CYP27B1: variants seen among roughly 807,000 people sequenced by gnomAD.
CYP27B1 encodes 25-hydroxyvitamin D-1 alpha hydroxylase, mitochondrial.
Under a neutral mutation model 54.8 loss-of-function variants are expected in CYP27B1, and 46 were observed. That is an observed-to-expected ratio of 0.84 (90% CI 0.66 to 1.07). The LOEUF (loss-of-function observed/expected upper bound fraction) is 1.07, where lower values mean the gene tolerates loss of function less well. CYP27B1 is among the 50% of genes least tolerant of loss of function. The pLI is 0.00. For missense variants in CYP27B1, 674 were observed against 692.2 expected, an observed-to-expected ratio of 0.97 and a Z score of 0.30; for synonymous variants, 292 against 297.3, an observed-to-expected ratio of 0.98 and a Z score of 0.18.
At position 57,765,594 on chromosome 12, in the gene CYP27B1, G is replaced by C. The variant is rs1382038315; in HGVS notation, c.387-95C>G. 1 of 1,302,096 alleles carries C rather than the reference G, an allele frequency of 7.7e-7. No individual in the cohort carries two copies. The highest frequency in any genetic ancestry group is 2.0e-5 in the Admixed American group (1 of 50,712). 80.7% of individuals were successfully genotyped at this position (1,302,096 alleles called of 1,614,324 possible). ...GAGCGCGTTCGGCTGCGGTGGCCAG[G>C]AGAGGGATTGCGTCTGCCCCCTTGG... On this transcript the variant is annotated intron_variant, in intron 2 of 8. Coordinates refer to ENST00000228606, the MANE Select transcript of CYP27B1 (RefSeq NM_000785.4). This position sits in a 1 kb window ranked among gnomAD's most constrained non-coding sequence, Gnocchi z 5.8.
intron 1 of CYP27B1, 60 bp from the exon 2 acceptor site, chr12:57,766,257 G>A: frequency 1.4e-6 from 2 of 1,473,964 alleles, no homozygotes; most frequent in Non-Finnish European, 1.8e-6. Flanking sequence ...AGCTTGACCT[G>A]TGCCCACGCC....
In CYP27B1 at chr12:57,765,911, A is replaced by T; in HGVS notation, c.386+96T>A. 2.8e-6 allele frequency: 4 copies of T among 1,445,804 alleles called. No individual in the cohort carries two copies. In the South Asian group the frequency reaches 5.7e-5, roughly 21 times the overall value. The allele number at this position is 1,445,804 out of a possible 1,614,324, so 89.6% of individuals were successfully genotyped here. A position where few individuals can be genotyped will look rare whatever the true frequency, so the allele number is the denominator to read the frequency against. Reference sequence around the variant, plus strand: ...GCCCAATGGTAGAGTGGGACAGCCGACCTCCCACCATGCCCCCAGATTGAT... The same window carrying T: ...GCCCAATGGTAGAGTGGGACAGCCGTCCTCCCACCATGCCCCCAGATTGAT... On this transcript the variant is annotated intron_variant, in intron 2 of 8. Coordinates refer to ENST00000228606, the MANE Select transcript of CYP27B1 (RefSeq NM_000785.4). The surrounding 1 kb of genome is among the most constrained non-coding windows in gnomAD (Gnocchi z 5.8).
In CYP27B1 at chr12:57,764,494, C is replaced by T. The variant is rs578010655; in HGVS notation, c.1020G>A (p.Gln340=). 6.2e-7 allele frequency: 1 copy of T among 1,614,190 alleles called. No homozygotes were observed. Among genetic ancestry groups the T allele is most frequent in the East Asian group, 2.2e-5 (1 of 44,888 alleles). Residue 340 remains glutamine (Q), a synonymous_variant, in exon 6 of 9, where the codon CAG becomes CAA. Coordinates refer to ENST00000228606, the MANE Select transcript of CYP27B1 (RefSeq NM_000785.4). Reference sequence around the variant, plus strand: ...CTGTGATCTCTGAGTGGAGTGCTGTCTGGACTTCGGGGTGCCGGGAGAGCT... The same window carrying T: ...CTGTGATCTCTGAGTGGAGTGCTGTTTGGACTTCGGGGTGCCGGGAGAGCT... ...LYELSRHPEV[Q]TALHSEITAA...
intron 1 of CYP27B1, chr12:57,766,580 C>G (rs768544092): frequency 1.4e-5 from 8 of 585,658 alleles, no homozygotes; most frequent in South Asian, 2.1e-5. Flanking sequence ...CCGGCCTCCC[C>G]CTCCCGCGCA....
chr12:57,764,062 A>C (rs774051629), intron 7 of CYP27B1, 36 bp downstream of exon 7: 2 of 1,522,836 alleles, frequency 1.3e-6, no homozygotes, highest in Non-Finnish European at 1.8e-6. Flanking sequence ...ATAGTGAGGA[A>C]TGGCTCAGTA....
At position 57,763,794 on chromosome 12, in the gene CYP27B1, C is replaced by T. The variant is rs1200364118; in HGVS notation, c.1230G>A (p.Leu410=). ...GGTCCCTTGAAGTGGCATAGTGACACAGAGTGACCAGCGTCTGGTGCAAAG... is the reference window on the plus strand; with the variant it reads ...GGTCCCTTGAAGTGGCATAGTGACATAGAGTGACCAGCGTCTGGTGCAAAG... ...YIIPKNTLVT[L]CHYATSRDPA... The change falls in exon 8 of 9, where the codon CTG becomes CTA. Residue 410 remains leucine (L), a synonymous_variant. Coordinates refer to ENST00000228606, the MANE Select transcript of CYP27B1 (RefSeq NM_000785.4). 5 of 1,614,144 alleles carry T rather than the reference C, an allele frequency of 3.1e-6. No homozygotes were observed. The highest frequency in any genetic ancestry group is 1.1e-5 in the South Asian group (1 of 91,088).
chr12:57,763,806 C>G lies in CYP27B1; in HGVS notation c.1218G>C (p.Thr406=), dbSNP rs750468088. 3 of 1,613,984 alleles carry G rather than the reference C, an allele frequency of 1.9e-6. No homozygotes were observed. Among genetic ancestry groups the G allele is most frequent in the Non-Finnish European group, 2.5e-6 (3 of 1,179,940 alleles). ...TGGCATAGTGACACAGAGTGACCAG[C>G]GTCTGGTGCAAAGGAAAACAAACTT... ...HVGDYIIPKN[T]LVTLCHYATS... is the part of the protein sequence containing the mutation. Residue 406 remains threonine, a splice_region_variant and synonymous_variant, in exon 8 of 9, where the codon ACG becomes ACC. Coordinates refer to ENST00000228606, the MANE Select transcript of CYP27B1 (RefSeq NM_000785.4).
Position 57,762,507 on chromosome 12 carries a change from C to T in CYP27B1, c.*635G>A, listed in dbSNP as rs533718329. 58 of 158,658 alleles carry T rather than the reference C, an allele frequency of 3.7e-4. No homozygotes were observed. Among genetic ancestry groups the T allele is most frequent in the African/African-American group, 7.5e-4 (31 of 41,548 alleles). 9.8% of individuals were successfully genotyped at this position (158,658 alleles called of 1,614,324 possible). A position where few individuals can be genotyped will look rare whatever the true frequency, so the allele number is the denominator to read the frequency against. On this transcript the variant is annotated 3_prime_UTR_variant, in exon 9 of 9. Coordinates refer to ENST00000228606, the MANE Select transcript of CYP27B1 (RefSeq NM_000785.4). Reference sequence around the variant, plus strand: ...AGAGCAAAGGAGAGTTATAAGAAACCGTAAACCAGGCTAGGGCAGATTCAC... The same window carrying T: ...AGAGCAAAGGAGAGTTATAAGAAACTGTAAACCAGGCTAGGGCAGATTCAC...
chr12:57,765,832 G>A lies in CYP27B1; in HGVS notation c.386+175C>T. Reference sequence around the variant, plus strand: ...GATAAGGAGGTAGGCGGGGAGTGAGGTTGGGGCTCAACCTGAGTGTGGGTG... The same window carrying A: ...GATAAGGAGGTAGGCGGGGAGTGAGATTGGGGCTCAACCTGAGTGTGGGTG... On this transcript the variant is annotated intron_variant, in intron 2 of 8. Coordinates refer to ENST00000228606, the MANE Select transcript of CYP27B1 (RefSeq NM_000785.4). This position sits in a 1 kb window ranked among gnomAD's most constrained non-coding sequence, Gnocchi z 5.8. 1.5e-6 allele frequency: 2 copies of A among 1,290,798 alleles called. No individual in the cohort carries two copies. Among genetic ancestry groups the A allele is most frequent in the Non-Finnish European group, 2.1e-6 (2 of 966,638 alleles). The allele number at this position is 1,290,798 out of a possible 1,614,324, so 80.0% of individuals were successfully genotyped here.
chr12:57,764,887 A>G lies in CYP27B1; in HGVS notation c.830T>C (p.Met277Thr), dbSNP rs939818762. The G allele has an allele frequency of 3.7e-6, 6 of 1,614,102 alleles. No homozygotes were observed. Among genetic ancestry groups the G allele is most frequent in the Admixed American group, 1.7e-5 (1 of 60,024 alleles). The change falls in exon 5 of 9, where the codon ATG (methionine) becomes ACG (threonine). Residue 277 changes from methionine (M) to threonine (T), a missense_variant. Transcript: ENST00000228606. The stretch of plus-strand genomic sequence containing the variant: ...CTTCTCGGGCTGTCCTCCGTTCCTC[A>G]TGGCTGCCTCTGCCTCTCGCCGCTC... ...HVERREAEAA[M>T]RNGGQPEKDL...
In CYP27B1 at chr12:57,765,554, C is replaced by A. The variant is rs1486053759; in HGVS notation, c.387-55G>T. 6.5e-7 allele frequency: 1 copy of A among 1,544,834 alleles called. No homozygotes were observed. The highest frequency in any genetic ancestry group is 8.8e-7 in the Non-Finnish European group (1 of 1,134,598). On this transcript the variant is annotated intron_variant, in intron 2 of 8. Transcript: ENST00000228606. The surrounding 1 kb of genome is among the most constrained non-coding windows in gnomAD (Gnocchi z 5.8). The stretch of plus-strand genomic sequence containing the variant: ...GGAAGGTGGGGACGGCTCGACGGGA[C>A]TGGCTGCAGTGAAGGAGCGCGTTCG...
Position 57,763,013 on chromosome 12 carries a change from C to A in CYP27B1, c.*129G>T, listed in dbSNP as rs1248426555. Reference sequence around the variant, plus strand: ...TTGGTCAGGGCCGCCTCACACTTCACTATGGTGGTTCTATCCAGTTTGGTC... The same window carrying A: ...TTGGTCAGGGCCGCCTCACACTTCAATATGGTGGTTCTATCCAGTTTGGTC... On this transcript the variant is annotated 3_prime_UTR_variant, in exon 9 of 9. Transcript: ENST00000228606. The A allele has an allele frequency of 1.4e-6, 1 of 733,072 alleles. No homozygotes were observed. Among genetic ancestry groups the A allele is most frequent in the East Asian group, 2.7e-5 (1 of 36,440 alleles). 45.4% of individuals were successfully genotyped at this position (733,072 alleles called of 1,614,324 possible). A position where few individuals can be genotyped will look rare whatever the true frequency, so the allele number is the denominator to read the frequency against.
chr12:57,765,579 G>C lies in CYP27B1; in HGVS notation c.387-80C>G, dbSNP rs1327693967. ...CTGGCTGCAGTGAAGGAGCGCGTTC[G>C]GCTGCGGTGGCCAGGAGAGGGATTG... On this transcript the variant is annotated intron_variant, in intron 2 of 8. Transcript: ENST00000228606. This position sits in a 1 kb window ranked among gnomAD's most constrained non-coding sequence, Gnocchi z 5.8. 2.8e-6 allele frequency: 4 copies of C among 1,419,174 alleles called. No homozygotes were observed. In the Admixed American group the frequency reaches 7.9e-5, roughly 28 times the overall value. 87.9% of individuals were successfully genotyped at this position (1,419,174 alleles called of 1,614,324 possible).
rs770581711 is a variant in CYP27B1 at position 57,765,191 on chromosome 12, C to G, written c.610G>C (p.Gly204Arg). Residue 204 changes from glycine to arginine, a missense_variant, in exon 4 of 9, where the codon GGC (glycine) becomes CGC (arginine). Coordinates refer to ENST00000228606, the MANE Select transcript of CYP27B1 (RefSeq NM_000785.4). This position sits in a 1 kb window ranked among gnomAD's most constrained non-coding sequence, Gnocchi z 5.8. ...GCCTCCAGGCAGCCCAAGCGCGAGCCGAGCAGAACCGCGGCGATGCCTTGT... is the reference window on the plus strand; with the variant it reads ...GCCTCCAGGCAGCCCAAGCGCGAGCGGAGCAGAACCGCGGCGATGCCTTGT... ...GLEGIAAVLLGSRLGCLEAQV... is the reference protein window; with the variant it reads ...GLEGIAAVLLRSRLGCLEAQV... 1.9e-6 allele frequency: 3 copies of G among 1,613,072 alleles called. No individual in the cohort carries two copies. Among genetic ancestry groups the G allele is most frequent in the South Asian group, 1.1e-5 (1 of 91,040 alleles).
In CYP27B1 at chr12:57,763,180, G is replaced by A; in HGVS notation, c.1489C>T (p.Pro497Ser). ...AACTGTAGGTTGATGCTCCTTTCAG[G>A]TACCAGGACAGTCCGGGTCTTGGGT... ...VRPKTRTVLV[P>S]ERSINLQFLD... Residue 497 changes from proline (P) to serine (S), a missense_variant, in exon 9 of 9, where the codon CCT (proline) becomes TCT (serine). Pro to Ser is a moderately conservative substitution (Grantham distance 74). Coordinates refer to ENST00000228606, the MANE Select transcript of CYP27B1 (RefSeq NM_000785.4). 2 of 1,614,038 alleles carry A rather than the reference G, an allele frequency of 1.2e-6. No homozygotes were observed.
chr12:57,767,052 A>G lies in CYP27B1; in HGVS notation c.-11T>C. On this transcript the variant is annotated 5_prime_UTR_variant, in exon 1 of 9. Transcript: ENST00000228606. ...GAGGGTCTGGGTCATGGTCTGGTTC[A>G]GGGTGCTCGCGAAAGAAAGCGCTTC... 6.2e-7 allele frequency: 1 copy of G among 1,613,958 alleles called. No homozygotes were observed. The highest frequency in any genetic ancestry group is 1.1e-5 in the South Asian group (1 of 91,082).
chr12:57,765,437 G>T lies in CYP27B1; in HGVS notation c.449C>A (p.Ala150Glu). The change falls in exon 3 of 9, where the codon GCG (alanine) becomes GAG (glutamate). Residue 150 changes from alanine (A) to glutamate (E), a missense_variant. Ala to Glu is a moderately radical substitution (Grantham distance 107). Coordinates refer to ENST00000228606, the MANE Select transcript of CYP27B1 (RefSeq NM_000785.4). The surrounding 1 kb of genome is among the most constrained non-coding windows in gnomAD (Gnocchi z 5.8). ...LLAPLLLRPQ[A>E]AARYAGTLNN... Reference sequence around the variant, plus strand: ...CAGGGTTCCGGCGTAGCGGGCGGCCGCTTGAGGCCGGAGGAGGAGCGGGGC... The same window carrying T: ...CAGGGTTCCGGCGTAGCGGGCGGCCTCTTGAGGCCGGAGGAGGAGCGGGGC... 1 of 1,612,868 alleles carries T rather than the reference G, an allele frequency of 6.2e-7. No homozygotes were observed. Among genetic ancestry groups the T allele is most frequent in the Non-Finnish European group, 8.5e-7 (1 of 1,179,568 alleles).
In CYP27B1 at chr12:57,765,827, G is replaced by T; in HGVS notation, c.386+180C>A. On this transcript the variant is annotated intron_variant, in intron 2 of 8. Coordinates refer to ENST00000228606, the MANE Select transcript of CYP27B1 (RefSeq NM_000785.4). This position sits in a 1 kb window ranked among gnomAD's most constrained non-coding sequence, Gnocchi z 5.8. Reference sequence around the variant, plus strand: ...CAAAGGATAAGGAGGTAGGCGGGGAGTGAGGTTGGGGCTCAACCTGAGTGT... The same window carrying T: ...CAAAGGATAAGGAGGTAGGCGGGGATTGAGGTTGGGGCTCAACCTGAGTGT... 1 of 1,228,076 alleles carries T rather than the reference G, an allele frequency of 8.1e-7. No individual in the cohort carries two copies. Among genetic ancestry groups the T allele is most frequent in the Non-Finnish European group, 1.1e-6 (1 of 909,370 alleles). 76.1% of individuals were successfully genotyped at this position (1,228,076 alleles called of 1,614,324 possible).
chr12:57,764,759 C>T lies in CYP27B1; in HGVS notation c.958G>A (p.Asp320Asn). The T allele has an allele frequency of 6.2e-7, 1 of 1,614,080 alleles. No homozygotes were observed. The highest frequency in any genetic ancestry group is 8.5e-7 in the Non-Finnish European group (1 of 1,180,016). Reference protein sequence around the residue: ...NVTELLLAGVDTVSNTLSWAL... With the variant: ...NVTELLLAGVNTVSNTLSWAL... ...GCACGGAGGGAGAACCTCACCGTGT[C>T]CACTCCCGCCAATAGCAACTCTGTC... The change falls in exon 5 of 9, where the codon GAC (aspartate) becomes AAC (asparagine). Residue 320 changes from aspartate (D) to asparagine (N), a missense_variant. Physicochemically the swap from Asp to Asn is conservative, Grantham distance 23. Coordinates refer to ENST00000228606, the MANE Select transcript of CYP27B1 (RefSeq NM_000785.4).
Sources: gnomAD v4.1 joint callset for allele counts on GRCh38, gnomAD v4.1.1 for gene constraint, Gnocchi (gnomAD v3.1) non-coding constraint, MANE v1.5 for transcripts, NCBI Gene and HGNC (gene_info 2026-07-23, HGNC 2026-07-21) for gene names.